The following WDFY3 variants were observed in gnomAD, a reference collection of about 807,000 sequenced individuals.
WDFY3 encodes WD repeat and FYVE domain containing 3.
A neutral mutation model predicts 409.6 loss-of-function variants in WDFY3; 66 were observed. The ratio of observed to expected loss-of-function variants is 0.16; its 90% CI spans 0.13 to 0.20. The LOEUF (loss-of-function observed/expected upper bound fraction) is 0.20, where lower values mean the gene tolerates loss of function less well. Among genes scored for constraint, WDFY3 ranks in the 10% least tolerant of loss-of-function variants. The pLI is 1.00. For synonymous variants in WDFY3, 1,521 were observed against 1,537.1 expected (o/e 0.99, Z 0.25); for missense variants, 3,031 against 4,298.1 (o/e 0.71, Z 8.24).
chr4:84,768,625 G>A (rs1744100080), intron 30 of WDFY3, among the ~76,000 whole-genome samples: 1 of 152,122 alleles, frequency 6.6e-6, no homozygotes, highest in African/African-American at 2.4e-5. Context: ...AGAAAAAAAG[G>A]TTCCTTTCAA....
chr4:84,811,596 G>A (rs956006515), intron 13 of WDFY3, among the ~76,000 whole-genome samples: 18 of 152,146 alleles, frequency 1.2e-4, no homozygotes, highest in Admixed American at 1.2e-3. Context: ...ACAGCAAGCT[G>A]AAATCTTTTT....
intron 1 of WDFY3, among the ~76,000 whole-genome samples, chr4:84,962,709 T>A (rs2151217709): frequency 6.6e-6 from 1 of 151,132 alleles, no homozygotes; most frequent in South Asian, 2.1e-4. Context: ...AGTCTCACTC[T>A]GTCACCCAGG....
intron 36 of WDFY3, among the ~76,000 whole-genome samples, chr4:84,744,389 T>C (rs1006765748): frequency 4.6e-5 from 7 of 152,006 alleles, no homozygotes; most frequent in Admixed American, 4.6e-4. Flanking sequence ...AATTTAGCTC[T>C]GAGCTTCATA....
At chr4:84,691,024 G>A (rs1041801205) in intron 60 of WDFY3, among the ~76,000 whole-genome samples, 4 of 152,204 alleles carry the variant, frequency 2.6e-5, no homozygotes, top group South Asian at 2.1e-4. Context: ...AAGAGAGCAC[G>A]ACTGCTGCTA....
chr4:84,882,996 C>T lies in WDFY3; in HGVS notation c.-32+13915G>A, dbSNP rs116336239. Among the ~76,000 whole-genome samples the T allele has an allele frequency of 4.3e-3, 648 of 152,194 alleles. 2 individuals are homozygous for T. Among genetic ancestry groups the T allele is most frequent in the African/African-American group, 0.014 (564 of 41,522 alleles). ...TGCTGGGATTATAGGCATGAGCCAC[C>T]GTGCCTGGCCTCCCTTATAATTTTT... On this transcript the variant is annotated intron_variant, in intron 3 of 67. Coordinates refer to ENST00000295888, the MANE Select transcript of WDFY3 (RefSeq NM_014991.6).
At chr4:84,674,423 A>G (rs1234731570) in intron 67 of WDFY3, among the ~76,000 whole-genome samples, 1 of 152,006 alleles carries the variant, frequency 6.6e-6, no homozygotes, top group Non-Finnish European at 1.5e-5. Flanking sequence ...TACAAAAATT[A>G]GCCAGGTGTG....
intron 2 of WDFY3, among the ~76,000 whole-genome samples, chr4:84,930,108 A>G (rs1415939777): frequency 6.6e-6 from 1 of 152,162 alleles, no homozygotes; most frequent in Non-Finnish European, 1.5e-5. Flanking sequence ...AATTCCTGTC[A>G]TTTAAGCCAC....
chr4:84,876,750 ATAT>A lies in WDFY3; in HGVS notation c.-31-16131_-31-16129del, dbSNP rs1466448043. Among the ~76,000 whole-genome samples, 3 of 152,194 alleles carry A rather than the reference ATAT, an allele frequency of 2.0e-5. No homozygotes were observed. The East Asian group carries it at 5.8e-4, about 29-fold the overall frequency. On this transcript the variant is annotated intron_variant, in intron 3 of 67. Transcript: ENST00000295888. ...TGACAGCACTAGATTTTCTGTTCAGATATTCTGAGTTCTGGGTGTGTATTTTAC... is the reference window on the plus strand; with the variant it reads ...TGACAGCACTAGATTTTCTGTTCAGATCTGAGTTCTGGGTGTGTATTTTAC...
chr4:84,751,439 A>G, intron 36 of WDFY3, 44 bp downstream of exon 36: 1 of 1,591,794 alleles, frequency 6.3e-7, no homozygotes, highest in South Asian at 1.1e-5. Context: ...TTCTAATTTA[A>G]AAAGTAATGC....
At chr4:84,920,633 G>A (rs1769147458) in intron 2 of WDFY3, among the ~76,000 whole-genome samples, 1 of 152,000 alleles carries the variant, frequency 6.6e-6, no homozygotes, top group African/African-American at 2.4e-5. Context: ...ATTATATTCA[G>A]GAACTAACAC....
intron 49 of WDFY3, among the ~76,000 whole-genome samples, chr4:84,715,920 GTAATTATAATTTTA>G (rs1733815757): frequency 1.3e-5 from 2 of 150,710 alleles, no homozygotes; most frequent in South Asian, 2.1e-4. Flanking sequence ...AATAAAAAAA[GTAATTATAATTTTA>G]TAATTATAAT....
chr4:84,874,321 G>A (rs191855516), intron 3 of WDFY3, among the ~76,000 whole-genome samples: 2 of 152,004 alleles, frequency 1.3e-5, no homozygotes. Flanking sequence ...GCTGAGGCAG[G>A]AGAATTGCTT....
At chr4:84,679,821 CAT>C (rs370117920) in intron 64 of WDFY3, among the ~76,000 whole-genome samples, 6,669 of 143,606 alleles carry the variant, frequency 0.046, 149 homozygotes, top group South Asian at 0.11. Context: ...GGATATTCTT[CAT>C]ATATATATAT....
In WDFY3 at chr4:84,803,436, CAG is replaced by C. The variant is rs1750979319; in HGVS notation, c.2459_2460del (p.Pro820ArgfsTer5). ...RHAYHSVSTP[P>X]VYPPKNVADL... ...TCGGCAACATTTTTAGGAGGGTAAA[CAG>C]GGGGAGTTGAAACAGAATGATATGC... On this transcript the variant is annotated frameshift_variant, in exon 16 of 68. Transcript: ENST00000295888. LOFTEE classifies it high-confidence loss of function. 4 of 1,613,588 alleles carry C rather than the reference CAG, an allele frequency of 2.5e-6. No homozygotes were observed. Among genetic ancestry groups the C allele is most frequent in the Admixed American group, 1.7e-5 (1 of 59,874 alleles).
At chr4:84,948,227 C>T (rs1039458456) in intron 1 of WDFY3, among the ~76,000 whole-genome samples, 11 of 152,174 alleles carry the variant, frequency 7.2e-5, no homozygotes, top group Non-Finnish European at 1.6e-4. Context: ...TGAGAACCCT[C>T]ATGCCTAACA....
Position 84,836,962 on chromosome 4 carries a change from T to A in WDFY3, c.543A>T (p.Glu181Asp), listed in dbSNP as rs1649548196. ...GGAQNELPLA[E>D]RRGLLQKVFV... ...AAACTTTCTGGAGTAGTCCTCGACG[T>A]TCTGCTAGAGGTAGCTCATTCTGTG... Residue 181 changes from glutamate to aspartate, a missense_variant, in exon 7 of 68, where the codon GAA becomes GAT. Glu to Asp is a conservative substitution (Grantham distance 45). This residue lies in a region of WDFY3 where 1,322 missense variants were observed against 1,697.9 expected (regional missense o/e 0.78). Transcript: ENST00000295888. The A allele has an allele frequency of 6.3e-7, 1 of 1,586,544 alleles. No homozygotes were observed. The highest frequency in any genetic ancestry group is 1.3e-5 in the African/African-American group (1 of 74,122).
intron 3 of WDFY3, among the ~76,000 whole-genome samples, chr4:84,873,243 C>T (rs767916661): frequency 1.3e-5 from 2 of 152,140 alleles, no homozygotes; most frequent in African/African-American, 2.4e-5. Context: ...CTCAAATTCA[C>T]GTGAAACATT....
chr4:84,731,565 G>GT (rs1736614332), intron 44 of WDFY3, among the ~76,000 whole-genome samples: 3 of 152,106 alleles, frequency 2.0e-5, no homozygotes, highest in African/African-American at 7.2e-5. Context: ...TTTCCAATAT[G>GT]TAACCCACCT....
At chr4:84,946,898 C>G (rs547489393) in intron 1 of WDFY3, among the ~76,000 whole-genome samples, 1 of 151,874 alleles carries the variant, frequency 6.6e-6, no homozygotes, top group East Asian at 2.0e-4. Flanking sequence ...GCTCTGCCTC[C>G]CAGGTTCATG....
Sources: allele counts gnomAD v4.1 joint callset (sites outside exome capture counted in the v4.1 genomes callset), GRCh38; gene constraint gnomAD v4.1.1; regional missense constraint gnomAD v4.1.1; transcripts MANE v1.5; gene names NCBI Gene and HGNC (gene_info 2026-07-23, HGNC 2026-07-21).